RBM20: variants seen among roughly 807,000 people sequenced by gnomAD.
RBM20 encodes RNA-binding protein 20.
A neutral mutation model predicts 110.1 loss-of-function variants in RBM20; 51 were observed. The observed-to-expected ratio is 0.46, with a 90% CI of 0.37 to 0.59. RBM20 has a LOEUF of 0.59. Ranked by LOEUF, RBM20 falls within the 20% of genes least tolerant of loss-of-function variation. RBM20 has a pLI of 0.00. For synonymous variants in RBM20, 589 were observed against 618.2 expected, an observed-to-expected ratio of 0.95 and a Z score of 0.70; for missense variants, 1,512 against 1,574.9, an observed-to-expected ratio of 0.96 and a Z score of 0.68.
chr10:110,665,995 AAGAGAGAGAG>A (rs56329688), intron 1 of RBM20, among the ~76,000 whole-genome samples: 27 of 145,380 alleles, frequency 1.9e-4, no homozygotes, highest in Non-Finnish European at 3.4e-4. Context: ...CAAAGAAAGA[AAGAGAGAGAG>A]AGAGAGAGAG....
intron 1 of RBM20, among the ~76,000 whole-genome samples, chr10:110,695,060 A>T (rs936387894): frequency 2.6e-5 from 4 of 152,160 alleles, no homozygotes; most frequent in Non-Finnish European, 5.9e-5. Flanking sequence ...ACTTCAAAGG[A>T]TTCTTAAAAC....
intron 5 of RBM20, among the ~76,000 whole-genome samples, chr10:110,792,433 C>G (rs1375780916): frequency 6.6e-6 from 1 of 152,146 alleles, no homozygotes; most frequent in Non-Finnish European, 1.5e-5. Context: ...AGGCATTGCC[C>G]CAAAGCACCG....
rs970215366 is a variant in RBM20, at chr10:110,800,661, C to T, written c.1800+743C>T. ...GTCCCTCCTCCTGTTCAACCCCTCCCTCTCTACTCTCCTGACTTCAATGAT... is the reference window on the plus strand; with the variant it reads ...GTCCCTCCTCCTGTTCAACCCCTCCTTCTCTACTCTCCTGACTTCAATGAT... On this transcript the variant is annotated intron_variant, in intron 7 of 13. Coordinates refer to ENST00000369519, the MANE Select transcript of RBM20 (RefSeq NM_001134363.3). 5.3e-5 allele frequency among the ~76,000 whole-genome samples: 8 copies of T among 152,340 alleles called. No individual in the cohort carries two copies. In the South Asian group the frequency reaches 6.2e-4, roughly 12 times the overall value.
chr10:110,688,491 G>A (rs1409246396), intron 1 of RBM20, among the ~76,000 whole-genome samples: 1 of 152,018 alleles, frequency 6.6e-6, no homozygotes, highest in Non-Finnish European at 1.5e-5. Flanking sequence ...CAACATAATT[G>A]TTTACACGTT....
intron 1 of RBM20, among the ~76,000 whole-genome samples, chr10:110,694,086 G>A (rs1317745751): frequency 1.3e-5 from 2 of 152,176 alleles, no homozygotes; most frequent in African/African-American, 2.4e-5. Flanking sequence ...GCTTCTACCT[G>A]GTCTTCAGGA....
At chr10:110,799,455 C>T (rs1272149608) in intron 6 of RBM20, among the ~76,000 whole-genome samples, 1 of 152,016 alleles carries the variant, frequency 6.6e-6, no homozygotes, top group Non-Finnish European at 1.5e-5. Context: ...GACTTTTTTT[C>T]CTTTTAAGTG....
At chr10:110,717,951 T>G (rs1387285213) in intron 1 of RBM20, among the ~76,000 whole-genome samples, 1 of 152,212 alleles carries the variant, frequency 6.6e-6, no homozygotes, top group Non-Finnish European at 1.5e-5. Flanking sequence ...AAACAATCCC[T>G]TTTGCACATG....
chr10:110,786,829 G>C (rs1424990280), intron 5 of RBM20, among the ~76,000 whole-genome samples: 1 of 152,248 alleles, frequency 6.6e-6, no homozygotes. Context: ...AGGCTGGATT[G>C]AGTGTCAGGT....
chr10:110,656,737 G>A lies in RBM20; in HGVS notation c.191+12092G>A, dbSNP rs116835774. Among the ~76,000 whole-genome samples, 348 of 152,278 alleles carry A rather than the reference G, an allele frequency of 2.3e-3. 2 individuals carry two copies. Among genetic ancestry groups the A allele is most frequent in the African/African-American group, 8.2e-3 (339 of 41,538 alleles). On this transcript the variant is annotated intron_variant, in intron 1 of 13. Coordinates refer to ENST00000369519, the MANE Select transcript of RBM20 (RefSeq NM_001134363.3). ...GATCACATAATATGTGGCTTTTTGT[G>A]TCTGGCTTCTTTCACATGGCATCAT...
At chr10:110,714,335 T>C (rs1226864082) in intron 1 of RBM20, among the ~76,000 whole-genome samples, 3 of 152,188 alleles carry the variant, frequency 2.0e-5, no homozygotes, top group Non-Finnish European at 4.4e-5. Flanking sequence ...TTGGCAGATG[T>C]CTCTAGTACC....
At chr10:110,777,992 G>A (rs969531421) in intron 1 of RBM20, among the ~76,000 whole-genome samples, 6 of 152,182 alleles carry the variant, frequency 3.9e-5, no homozygotes, top group Non-Finnish European at 7.3e-5. Context: ...TACTACACAA[G>A]TCAAAATCTA....
chr10:110,760,423 A>ATTTTT (rs1400720868), intron 1 of RBM20, among the ~76,000 whole-genome samples: 39 of 83,304 alleles, frequency 4.7e-4, no homozygotes, highest in Middle Eastern at 8.5e-3. Flanking sequence ...GAATTCCATC[A>ATTTTT]TCTTTTTTTT....
chr10:110,777,023 T>C (rs1432210870), intron 1 of RBM20, among the ~76,000 whole-genome samples: 1 of 152,166 alleles, frequency 6.6e-6, no homozygotes, highest in Non-Finnish European at 1.5e-5. Flanking sequence ...AAAAGAGGTG[T>C]CCATATTGCC....
intron 1 of RBM20, among the ~76,000 whole-genome samples, chr10:110,717,755 C>T (rs763379223): frequency 5.9e-5 from 9 of 152,184 alleles, no homozygotes; most frequent in Non-Finnish European, 1.3e-4. Flanking sequence ...GGGAATTCCT[C>T]ATCCACCTCA....
At chr10:110,775,548 ACT>A (rs1185850570) in intron 1 of RBM20, among the ~76,000 whole-genome samples, 2 of 152,048 alleles carry the variant, frequency 1.3e-5, no homozygotes, top group South Asian at 2.1e-4. Context: ...AGATGTTAAG[ACT>A]CTCTTGGATC....
intron 1 of RBM20, among the ~76,000 whole-genome samples, chr10:110,766,183 T>A (rs1385773826): frequency 6.6e-6 from 1 of 152,198 alleles, no homozygotes; most frequent in Non-Finnish European, 1.5e-5. Flanking sequence ...TCTGCTTGGA[T>A]CGTAACCACA....
At chr10:110,771,299 T>G (rs142468213) in intron 1 of RBM20, among the ~76,000 whole-genome samples, 1 of 152,218 alleles carries the variant, frequency 6.6e-6, no homozygotes, top group African/African-American at 2.4e-5. Flanking sequence ...CTAATTTTTG[T>G]ATTTTTTTTA....
chr10:110,767,178 T>G (rs1455921457), intron 1 of RBM20, among the ~76,000 whole-genome samples: 1 of 85,560 alleles, frequency 1.2e-5, no homozygotes, highest in Non-Finnish European at 2.4e-5. Context: ...CCCCCCCACC[T>G]CCCTCCCAGA....
intron 9 of RBM20, 89 bp from the exon 10 acceptor site, chr10:110,819,983 C>A: frequency 1.3e-6 from 1 of 768,832 alleles, no homozygotes; most frequent in Non-Finnish European, 2.1e-6. Flanking sequence ...TATCTGAGAG[C>A]TGGGACCTGC....
Sources: gnomAD v4.1 joint callset for allele counts (sites outside exome capture counted in the v4.1 genomes callset) on GRCh38, gnomAD v4.1.1 for gene constraint, MANE v1.5 for transcripts, NCBI Gene and HGNC (gene_info 2026-07-23, HGNC 2026-07-21) for gene names.